The following IL17RE variants were observed in gnomAD, a reference collection of about 807,000 sequenced individuals.
The protein encoded by IL17RE is interleukin-17 receptor E.
A neutral mutation model predicts 70.7 loss-of-function variants in IL17RE; 47 were observed. That is an observed-to-expected ratio of 0.67 (90% CI 0.53 to 0.85). The LOEUF (loss-of-function observed/expected upper bound fraction) is 0.85. IL17RE is among the 40% of genes least tolerant of loss of function. The pLI is 0.00. For synonymous variants in IL17RE, 372 were observed against 381.2 expected (o/e 0.98, Z 0.28); for missense variants, 850 against 893.9 (o/e 0.95, Z 0.63).
At position 9,911,125 on chromosome 3, in the gene IL17RE, AG is replaced by A; in HGVS notation, c.979-1del. On this transcript the variant is annotated splice_acceptor_variant, in intron 9 of 15. Coordinates refer to ENST00000383814, the MANE Select transcript of IL17RE (RefSeq NM_153480.2). LOFTEE classifies it high-confidence loss of function. The stretch of plus-strand genomic sequence containing the variant: ...CTGATGAACTCTCCTCTCCTCCCAC[AG>A]TGGTATGTTTTGGAGAAGGTGGACC... 1 of 1,614,146 alleles carries A rather than the reference AG, an allele frequency of 6.2e-7. No homozygotes were observed. Among genetic ancestry groups the A allele is most frequent in the Non-Finnish European group, 8.5e-7 (1 of 1,180,000 alleles).
At position 9,915,265 on chromosome 3, in the gene IL17RE, C is replaced by G; in HGVS notation, c.1462C>G (p.Arg488Gly). ...CCCGCCACCAGGCCCGGGCCCAGCGCGGCCAGTGCTCCTCCTGCACGCGGC... is the reference window on the plus strand; with the variant it reads ...CCCGCCACCAGGCCCGGGCCCAGCGGGGCCAGTGCTCCTCCTGCACGCGGC... ...RRPQSGPGPA[R>G]PVLLLHAADS... is the part of the protein sequence containing the mutation. Residue 488 changes from arginine to glycine, a missense_variant, in exon 16 of 16, where the codon CGG becomes GGG. By Grantham distance (125) the Arg-to-Gly change is moderately radical. Coordinates refer to ENST00000383814, the MANE Select transcript of IL17RE (RefSeq NM_153480.2). The surrounding 1 kb of genome is among the most constrained non-coding windows in gnomAD (Gnocchi z 4.9). 1 of 1,393,428 alleles carries G rather than the reference C, an allele frequency of 7.2e-7. No homozygotes were observed. The highest frequency in any genetic ancestry group is 9.3e-7 in the Non-Finnish European group (1 of 1,081,078). The allele number at this position is 1,393,428 out of a possible 1,614,324, so 86.3% of individuals were successfully genotyped here. A position where few individuals can be genotyped will look rare whatever the true frequency, so the allele number is the denominator to read the frequency against.
upstream of IL17RE, chr3:9,902,818 C>G: frequency 6.3e-7 from 1 of 1,584,086 alleles, no homozygotes; most frequent in Non-Finnish European, 8.6e-7. Flanking sequence ...GGGGCCAGGG[C>G]AGGCTGGGGC....
chr3:9,915,537 C>A lies in IL17RE; in HGVS notation c.1734C>A (p.Leu578=). 7.3e-7 allele frequency: 1 copy of A among 1,362,234 alleles called. No individual in the cohort carries two copies. The highest frequency in any genetic ancestry group is 3.5e-5 in the Admixed American group (1 of 28,808). 84.4% of individuals were successfully genotyped at this position (1,362,234 alleles called of 1,614,324 possible). ...SGPDPRAAPL[L]ALLHAAPRPL... ...CCGACCCCCGCGCCGCGCCCCTGCT[C>A]GCCCTGCTCCACGCTGCCCCGCGCC... The change falls in exon 16 of 16, where the codon CTC becomes CTA. Residue 578 remains leucine, a synonymous_variant. Transcript: ENST00000383814. The surrounding 1 kb of genome is among the most constrained non-coding windows in gnomAD (Gnocchi z 4.9).
chr3:9,909,252 A>T lies in IL17RE; in HGVS notation c.771A>T (p.Lys257Asn), dbSNP rs765974050. Residue 257 changes from lysine to asparagine, a missense_variant, in exon 8 of 16, where the codon AAA (lysine) becomes AAT (asparagine). By Grantham distance (94) the Lys-to-Asn change is moderately conservative (BLOSUM62 0). Coordinates refer to ENST00000383814, the MANE Select transcript of IL17RE (RefSeq NM_153480.2). ...TGCAAGAGGACACTGTGAGGCGCAA[A>T]AAATGTCCCTTCCAGAGCTGGCCAG... ...SYLQEDTVRR[K>N]KCPFQSWPEA... 1.1e-5 allele frequency: 17 copies of T among 1,613,972 alleles called. No homozygotes were observed. The highest frequency in any genetic ancestry group is 1.4e-5 in the Non-Finnish European group (16 of 1,180,010).
At position 9,915,974 on chromosome 3, in the gene IL17RE, G is replaced by C. The variant is rs973510394; in HGVS notation, c.*167G>C. 1.6e-6 allele frequency: 2 copies of C among 1,229,054 alleles called. No individual in the cohort carries two copies. Among genetic ancestry groups the C allele is most frequent in the Non-Finnish European group, 2.1e-6 (2 of 954,634 alleles). The allele number at this position is 1,229,054 out of a possible 1,614,324, so 76.1% of individuals were successfully genotyped here. A position where few individuals can be genotyped will look rare whatever the true frequency, so the allele number is the denominator to read the frequency against. On this transcript the variant is annotated 3_prime_UTR_variant, in exon 16 of 16. Transcript: ENST00000383814. The surrounding 1 kb of genome is among the most constrained non-coding windows in gnomAD (Gnocchi z 4.9). ...GGCCGGAAGTCCCAGCCCAGTCCCC[G>C]CGCGCGTCCCTCTTCCTCCTCATAC...
rs1232771941 is a variant in IL17RE, at chr3:9,908,949, A to G, written c.736-268A>G. 2.0e-5 allele frequency among the ~76,000 whole-genome samples: 3 copies of G among 152,044 alleles called. No homozygotes were observed. The East Asian group carries it at 5.8e-4, about 29-fold the overall frequency. On this transcript the variant is annotated intron_variant, in intron 7 of 15. Coordinates refer to ENST00000383814, the MANE Select transcript of IL17RE (RefSeq NM_153480.2). ...AGGCCAGAGAAGACCAAAGCTGAGG[A>G]ATGCGACCTCAGGATTTCCTTCTTT...
intron 12 of IL17RE, among the ~76,000 whole-genome samples, chr3:9,913,363 C>A (rs539159865): frequency 4.6e-5 from 7 of 151,954 alleles, no homozygotes; most frequent in African/African-American, 1.7e-4. Context: ...AAGATTGCAC[C>A]AGTGCACTCC....
intron 6 of IL17RE, among the ~76,000 whole-genome samples, chr3:9,907,641 A>G (rs538765839): frequency 1.2e-4 from 18 of 152,210 alleles, no homozygotes; most frequent in Non-Finnish European, 2.4e-4. Flanking sequence ...ATTGTTAATT[A>G]AAAATTTAAA....
Position 9,915,625 on chromosome 3 carries a change from C to T in IL17RE, c.1822C>T (p.Arg608Cys). 5 of 1,413,164 alleles carry T rather than the reference C, an allele frequency of 3.5e-6. No homozygotes were observed. The highest frequency in any genetic ancestry group is 4.6e-6 in the Non-Finnish European group (5 of 1,088,502). The allele number at this position is 1,413,164 out of a possible 1,614,324, so 87.5% of individuals were successfully genotyped here. A position where few individuals can be genotyped will look rare whatever the true frequency, so the allele number is the denominator to read the frequency against. Residue 608 changes from arginine (R) to cysteine (C), a missense_variant, in exon 16 of 16, where the codon CGC (arginine) becomes TGC (cysteine). Transcript: ENST00000383814. This position sits in a 1 kb window ranked among gnomAD's most constrained non-coding sequence, Gnocchi z 4.9. The stretch of plus-strand genomic sequence containing the variant: ...CAAGGGCGACATCCCCCCGCCGCTG[C>T]GCGCCCTGCCGCGCTACCGCCTGCT... ...CAKGDIPPPL[R>C]ALPRYRLLRD... is the part of the protein sequence containing the mutation.
intron 8 of IL17RE, chr3:9,909,495 C>T (rs1575488185): frequency 2.3e-5 from 14 of 601,950 alleles, no homozygotes; most frequent in Admixed American, 8.4e-5. Context: ...GATCAGAGAT[C>T]GCTGAGCACC....
chr3:9,914,742 T>C lies in IL17RE; in HGVS notation c.1412T>C (p.Val471Ala). The C allele has an allele frequency of 1.2e-6, 2 of 1,614,046 alleles. No homozygotes were observed. Among genetic ancestry groups the C allele is most frequent in the Non-Finnish European group, 1.7e-6 (2 of 1,180,008 alleles). The change falls in exon 15 of 16, where the codon GTT becomes GCT. Residue 471 changes from valine to alanine, a missense_variant. Physicochemically the swap from Val to Ala is moderately conservative, Grantham distance 64 (BLOSUM62 0). Transcript: ENST00000383814. ...ALLALLTLLG[V>A]VLALTCRRPQ... ...CTGGCCCTCCTCACCCTACTGGGTG[T>C]TGTTCTGGCCCTCACCTGCCGGCGC...
In IL17RE at chr3:9,914,737, G is replaced by A. The variant is rs1321323429; in HGVS notation, c.1407G>A (p.Leu469=). The change falls in exon 15 of 16, where the codon CTG becomes CTA. Residue 469 remains leucine (L), a synonymous_variant. Transcript: ENST00000383814. The part of the protein sequence containing the change: ...ILALLALLTL[L]GVVLALTCRR... ...CACTGCTGGCCCTCCTCACCCTACTGGGTGTTGTTCTGGCCCTCACCTGCC... is the reference window on the plus strand; with the variant it reads ...CACTGCTGGCCCTCCTCACCCTACTAGGTGTTGTTCTGGCCCTCACCTGCC... The A allele has an allele frequency of 6.2e-7, 1 of 1,614,060 alleles. No individual in the cohort carries two copies. Among genetic ancestry groups the A allele is most frequent in the East Asian group, 2.2e-5 (1 of 44,886 alleles).
At chr3:9,906,088 A>G (rs1240218526) in intron 3 of IL17RE, among the ~76,000 whole-genome samples, 1 of 151,776 alleles carries the variant, frequency 6.6e-6, no homozygotes, top group African/African-American at 2.4e-5. Flanking sequence ...CGTCTCCACT[A>G]AAGATACAAA....
intron 4 of IL17RE, 48 bp from the exon 5 acceptor site, chr3:9,906,658 A>G: frequency 3.1e-6 from 5 of 1,605,236 alleles, no homozygotes; most frequent in Non-Finnish European, 4.3e-6. Flanking sequence ...AACAGAAGCC[A>G]GGTTTCCTGA....
chr3:9,903,077 T>G lies in IL17RE; in HGVS notation c.132+13T>G. 2 of 1,608,666 alleles carry G rather than the reference T, an allele frequency of 1.2e-6. No individual in the cohort carries two copies. Among genetic ancestry groups the G allele is most frequent in the Non-Finnish European group, 8.5e-7 (1 of 1,175,198 alleles). On this transcript the variant is annotated intron_variant, in intron 1 of 15. Coordinates refer to ENST00000383814, the MANE Select transcript of IL17RE (RefSeq NM_153480.2). Reference sequence around the variant, plus strand: ...GGCCTCCCACACGGTAAGGTGCTGCTGCCAGGTAGGGACACCTGCCTGGCA... The same window carrying G: ...GGCCTCCCACACGGTAAGGTGCTGCGGCCAGGTAGGGACACCTGCCTGGCA...
Position 9,915,829 on chromosome 3 carries a change from G to T in IL17RE, c.*22G>T. 6.8e-7 allele frequency: 1 copy of T among 1,480,262 alleles called. No individual in the cohort carries two copies. The highest frequency in any genetic ancestry group is 8.9e-7 in the Non-Finnish European group (1 of 1,129,832). The allele number at this position is 1,480,262 out of a possible 1,614,324, so 91.7% of individuals were successfully genotyped here. A position where few individuals can be genotyped will look rare whatever the true frequency, so the allele number is the denominator to read the frequency against. ...TTGAGCAGAGCTCCACCGCAGTCCCGGGTGTCTGCGGCCGCAACGCAACGG... is the reference window on the plus strand; with the variant it reads ...TTGAGCAGAGCTCCACCGCAGTCCCTGGTGTCTGCGGCCGCAACGCAACGG... On this transcript the variant is annotated 3_prime_UTR_variant, in exon 16 of 16. Transcript: ENST00000383814. This position sits in a 1 kb window ranked among gnomAD's most constrained non-coding sequence, Gnocchi z 4.9.
At chr3:9,907,180 A>G in intron 6 of IL17RE, 80 bp downstream of exon 6, 3 of 1,558,768 alleles carry the variant, frequency 1.9e-6, no homozygotes, top group Non-Finnish European at 2.6e-6. Flanking sequence ...AAATGAGGAA[A>G]CTGAGGCCCA....
At chr3:9,909,502 C>A in intron 8 of IL17RE, 1 of 576,714 alleles carries the variant, frequency 1.7e-6, no homozygotes, top group South Asian at 2.1e-5. Flanking sequence ...GATCGCTGAG[C>A]ACCGCAGTAC....
chr3:9,903,365 C>T, intron 1 of IL17RE, 32 bp from the exon 2 acceptor site: 1 of 1,613,576 alleles, frequency 6.2e-7, no homozygotes. Context: ...TAGCTCTTTC[C>T]TTTCTTTTCC....
Sources: allele counts gnomAD v4.1 joint callset (sites outside exome capture counted in the v4.1 genomes callset), GRCh38; gene constraint gnomAD v4.1.1; non-coding constraint Gnocchi (gnomAD v3.1); transcripts MANE v1.5; gene names NCBI Gene and HGNC (gene_info 2026-07-23, HGNC 2026-07-21).